Variants in GALNT6 observed in about 807,000 individuals in gnomAD.
GALNT6 encodes GalNAc transferase 6.
GALNT6 carries 51 observed loss-of-function variants against 65.9 expected under a neutral mutation model. That is an observed-to-expected ratio of 0.77 (90% CI 0.62 to 0.98). The LOEUF (loss-of-function observed/expected upper bound fraction) is 0.98, where lower values mean the gene tolerates loss of function less well. Among genes scored for constraint, GALNT6 ranks in the 50% least tolerant of loss-of-function variants. The pLI is 0.00. For missense variants in GALNT6, 708 were observed against 803.3 expected, an observed-to-expected ratio of 0.88 and a Z score of 1.43; for synonymous variants, 323 against 315.1, an observed-to-expected ratio of 1.02 and a Z score of -0.26.
chr12:51,377,304 G>A lies in GALNT6; in HGVS notation c.555C>T (p.Phe185=), dbSNP rs151252335. 1 of 1,613,354 alleles carries A rather than the reference G, an allele frequency of 6.2e-7. No homozygotes were observed. Among genetic ancestry groups the A allele is most frequent in the Non-Finnish European group, 8.5e-7 (1 of 1,179,878 alleles). ...PLATTSVIIV[F]HNEAWSTLLR... is the part of the protein sequence containing the mutation. ...GCAGTGTGGACCAGGCTTCGTTGTG[G>A]AACACAATGATCACGCTGGTGGTGG... The change falls in exon 4 of 12, where the codon TTC becomes TTT. Residue 185 remains phenylalanine (F), a synonymous_variant. Coordinates refer to ENST00000356317, the MANE Select transcript of GALNT6 (RefSeq NM_007210.4).
intron 4 of GALNT6, among the ~76,000 whole-genome samples, chr12:51,372,949 G>A (rs1000289636): frequency 3.3e-5 from 5 of 152,218 alleles, no homozygotes; most frequent in Admixed American, 6.5e-5. Context: ...TTGGATTTTC[G>A]ATTTGCATGG....
intron 2 of GALNT6, among the ~76,000 whole-genome samples, chr12:51,385,132 G>A (rs1947791125): frequency 6.6e-6 from 1 of 151,960 alleles, no homozygotes; most frequent in Non-Finnish European, 1.5e-5. Context: ...GGGACCATAG[G>A]TGTGTGTCAT....
chr12:51,390,888 A>G lies in GALNT6; in HGVS notation c.-142T>C, dbSNP rs997152216. 3.1e-4 allele frequency: 48 copies of G among 152,426 alleles called. No individual in the cohort carries two copies. Among genetic ancestry groups the G allele is most frequent in the African/African-American group, 1.1e-3 (44 of 41,568 alleles). The allele number at this position is 152,426 out of a possible 1,614,324, so 9.4% of individuals were successfully genotyped here. On this transcript the variant is annotated 5_prime_UTR_variant, in exon 2 of 12. Transcript: ENST00000356317. ...CTGGGTCTGCGATGATTGGCCCTGG[A>G]TGCAAGTAAAAGCTGTTTCTCCTTT...
In GALNT6 at chr12:51,351,627, C is replaced by G. The variant is rs1212119278; in HGVS notation, c.*2752G>C. 2 of 152,392 alleles carry G rather than the reference C, an allele frequency of 1.3e-5. No individual in the cohort carries two copies. Among genetic ancestry groups the G allele is most frequent in the South Asian group, 2.1e-4 (1 of 4,826 alleles). The allele number at this position is 152,392 out of a possible 1,614,324, so 9.4% of individuals were successfully genotyped here. On this transcript the variant is annotated 3_prime_UTR_variant, in exon 12 of 12. Coordinates refer to ENST00000356317, the MANE Select transcript of GALNT6 (RefSeq NM_007210.4). ...CTAACTCATCCAGCACCTCTTGGAG[C>G]ATCTCCAGGCTTGCTATGATTTGCT...
intron 4 of GALNT6, 124 bp from the exon 5 acceptor site, chr12:51,365,703 T>G (rs909171137): frequency 1.2e-6 from 1 of 846,282 alleles, no homozygotes; most frequent in Non-Finnish European, 1.8e-6. Context: ...CAACACCTGC[T>G]GTACTGAGCC....
At chr12:51,374,633 G>A (rs1947394673) in intron 4 of GALNT6, among the ~76,000 whole-genome samples, 1 of 152,138 alleles carries the variant, frequency 6.6e-6, no homozygotes, top group South Asian at 2.1e-4. Context: ...TCACTATTGG[G>A]AGTTTGAGCA....
Position 51,378,568 on chromosome 12 carries a change from T to C in GALNT6, c.491+723A>G, listed in dbSNP as rs537339066. The stretch of plus-strand genomic sequence containing the variant: ...ACCTCAGGTTCACAGCCCTAAAGAC[T>C]CACGAAATCTGGGGATGAGGGCTGC... On this transcript the variant is annotated intron_variant, in intron 3 of 11. Transcript: ENST00000356317. Among the ~76,000 whole-genome samples the C allele has an allele frequency of 2.2e-3, 333 of 151,964 alleles. 1 individual carries two copies. Among genetic ancestry groups the C allele is most frequent in the African/African-American group, 7.6e-3 (315 of 41,286 alleles).
At chr12:51,371,042 A>G (rs1565723766) in intron 4 of GALNT6, among the ~76,000 whole-genome samples, 1 of 140,176 alleles carries the variant, frequency 7.1e-6, no homozygotes. Context: ...TGGTCCCGCT[A>G]GCCTTTTAAA....
rs1946642306 is a variant in GALNT6, at chr12:51,352,596, C to T, written c.*1783G>A. 6.6e-6 allele frequency: 1 copy of T among 152,154 alleles called. No homozygotes were observed. 9.4% of individuals were successfully genotyped at this position (152,154 alleles called of 1,614,324 possible). On this transcript the variant is annotated 3_prime_UTR_variant, in exon 12 of 12. Transcript: ENST00000356317. ...GGACAAACCTGAGAATCACTGGCTC[C>T]AGGAGCTTTCTTTTAACACTAACAT... is the stretch of plus-strand genomic sequence containing the variant.
At chr12:51,373,150 C>CAT (rs1947341524) in intron 4 of GALNT6, among the ~76,000 whole-genome samples, 1 of 152,068 alleles carries the variant, frequency 6.6e-6, no homozygotes, top group Non-Finnish European at 1.5e-5. Context: ...CTGGAATTAG[C>CAT]TAAGACTTTG....
At chr12:51,364,429 T>G in intron 5 of GALNT6, 74 bp from the exon 6 acceptor site, 2 of 1,019,498 alleles carry the variant, frequency 2.0e-6, no homozygotes, top group South Asian at 1.4e-5. Flanking sequence ...CTGGAGGGAA[T>G]GCCCAGGAGG....
In GALNT6 at chr12:51,390,163, T is replaced by TC. The variant is rs1565741232; in HGVS notation, c.-104+686_-104+687insG. Among the ~76,000 whole-genome samples the TC allele has an allele frequency of 5.0e-4, 56 of 112,660 alleles. 1 individual carries two copies. Among genetic ancestry groups the TC allele is most frequent in the African/African-American group, 1.6e-3 (51 of 32,530 alleles). The allele number at this position is 112,660 out of a possible 152,430, so 73.9% of individuals were successfully genotyped here. On this transcript the variant is annotated intron_variant, in intron 2 of 11. Coordinates refer to ENST00000356317, the MANE Select transcript of GALNT6 (RefSeq NM_007210.4). ...TTCTTTCTTTCTTTCTTTCTTTTTT[T>TC]TTTTTTTTTTTTTTTTGAGACAGAG...
intron 2 of GALNT6, among the ~76,000 whole-genome samples, chr12:51,389,678 C>A (rs969802140): frequency 1.3e-5 from 2 of 152,200 alleles, no homozygotes; most frequent in Non-Finnish European, 2.9e-5. Context: ...CACTGAGAGG[C>A]CCTCAGCCCT....
At chr12:51,388,517 C>T (rs1437986176) in intron 2 of GALNT6, among the ~76,000 whole-genome samples, 2 of 152,218 alleles carry the variant, frequency 1.3e-5, no homozygotes, top group African/African-American at 4.8e-5. Context: ...TTACCAGAGA[C>T]TCCCCTCTTT....
In GALNT6 at chr12:51,364,363, C is replaced by T. The variant is rs776464731; in HGVS notation, c.815-8G>A. 1.2e-6 allele frequency: 2 copies of T among 1,603,460 alleles called. No homozygotes were observed. Among genetic ancestry groups the T allele is most frequent in the South Asian group, 1.1e-5 (1 of 90,840 alleles). ...AGCCGTGGAAGCACTCACCTGCAGG[C>T]CCCAACCAGGAGGCAGCAGTCAGGG... On this transcript the variant is annotated splice_region_variant and splice_polypyrimidine_tract_variant and intron_variant, in intron 5 of 11. Transcript: ENST00000356317.
At chr12:51,363,784 G>T (rs1336978282) in intron 6 of GALNT6, among the ~76,000 whole-genome samples, 1 of 152,188 alleles carries the variant, frequency 6.6e-6, no homozygotes, top group African/African-American at 2.4e-5. Flanking sequence ...ATAAACTAAA[G>T]AATGTATAGC....
Position 51,364,240 on chromosome 12 carries a change from C to T in GALNT6, c.930G>A (p.Lys310=). Residue 310 remains lysine, a synonymous_variant, in exon 6 of 12, where the codon AAG becomes AAA. Coordinates refer to ENST00000356317, the MANE Select transcript of GALNT6 (RefSeq NM_007210.4). ...TATGGACTCTGCCCCTCTGGACGGG[C>T]TTGGCGAACTCAAAAGTATTAAGGT... ...TIDLNTFEFA[K]PVQRGRVHSR... 6.2e-7 allele frequency: 1 copy of T among 1,614,118 alleles called. No individual in the cohort carries two copies. Among genetic ancestry groups the T allele is most frequent in the Non-Finnish European group, 8.5e-7 (1 of 1,179,986 alleles).
chr12:51,371,054 A>AATTATT (rs66469959), intron 4 of GALNT6, among the ~76,000 whole-genome samples: 63 of 144,446 alleles, frequency 4.4e-4, no homozygotes, highest in African/African-American at 1.5e-3. Flanking sequence ...CCTTTTAAAA[A>AATTATT]ATTATTATTA....
intron 2 of GALNT6, among the ~76,000 whole-genome samples, chr12:51,389,032 C>G (rs1473714871): frequency 1.3e-5 from 2 of 152,182 alleles, no homozygotes; most frequent in Non-Finnish European, 2.9e-5. Flanking sequence ...CCACACAGGC[C>G]TTTTACACAG....
Sources: allele counts gnomAD v4.1 joint callset (sites outside exome capture counted in the v4.1 genomes callset), GRCh38; gene constraint gnomAD v4.1.1; transcripts MANE v1.5; gene names NCBI Gene and HGNC (gene_info 2026-07-23, HGNC 2026-07-21).